The following DHRS7B variants were observed in gnomAD, a reference collection of about 807,000 sequenced individuals.
DHRS7B encodes the protein dehydrogenase/reductase 7B.
Under a neutral mutation model 26.4 loss-of-function variants are expected in DHRS7B, and 24 were observed. That is an observed-to-expected ratio of 0.91 (90% CI 0.66 to 1.28). The LOEUF is 1.28. Among genes scored for constraint, DHRS7B ranks in the 50% most tolerant of loss-of-function variants. The pLI, the probability that DHRS7B is intolerant of heterozygous loss-of-function variation, is 0.00. For synonymous variants in DHRS7B, 142 were observed against 166.4 expected, an observed-to-expected ratio of 0.85 and a Z score of 1.13; for missense variants, 368 against 419.4, an observed-to-expected ratio of 0.88 and a Z score of 1.07.
chr17:21,146,499 A>C lies in DHRS7B; in HGVS notation c.20+19508A>C, dbSNP rs568179811. 5.3e-5 allele frequency among the ~76,000 whole-genome samples: 8 copies of C among 152,338 alleles called. No individual in the cohort carries two copies. The East Asian group carries it at 1.5e-3, about 29-fold the overall frequency. On this transcript the variant is annotated intron_variant, in intron 1 of 6. Coordinates refer to ENST00000395511, the MANE Select transcript of DHRS7B (RefSeq NM_015510.5). ...AGATATTAGATACATTTTGCAGATG[A>C]GGAAACTGGCAGAAACATTAAGTAA...
At chr17:21,163,041 C>A (rs867948888) in intron 1 of DHRS7B, among the ~76,000 whole-genome samples, 12 of 151,784 alleles carry the variant, frequency 7.9e-5, no homozygotes, top group Non-Finnish European at 1.2e-4. Context: ...ACTAAAAACA[C>A]AAAAATTAGC....
chr17:21,178,135 T>C (rs1224659421), intron 2 of DHRS7B, 98 bp from the exon 3 acceptor site: 1 of 1,158,318 alleles, frequency 8.6e-7, no homozygotes, highest in African/African-American at 1.5e-5. Flanking sequence ...AACACAGACC[T>C]GTGAAGGGTG....
intron 1 of DHRS7B, among the ~76,000 whole-genome samples, chr17:21,155,259 G>A (rs1207313732): frequency 6.6e-6 from 1 of 152,076 alleles, no homozygotes; most frequent in African/African-American, 2.4e-5. Flanking sequence ...CCAACTTTAA[G>A]TATAAAGACA....
chr17:21,188,275 C>G (rs1166553962), intron 5 of DHRS7B, among the ~76,000 whole-genome samples: 2 of 152,120 alleles, frequency 1.3e-5, no homozygotes, highest in Admixed American at 1.3e-4. Context: ...TTCTCTCTCT[C>G]TGTGTATATG....
intron 1 of DHRS7B, among the ~76,000 whole-genome samples, chr17:21,141,281 G>A (rs1334871866): frequency 6.6e-6 from 1 of 152,072 alleles, no homozygotes; most frequent in Non-Finnish European, 1.5e-5. Context: ...ACAAAACTCA[G>A]TCTCTCATTA....
intron 1 of DHRS7B, among the ~76,000 whole-genome samples, chr17:21,135,275 C>T (rs932149616): frequency 6.6e-6 from 1 of 152,180 alleles, no homozygotes; most frequent in African/African-American, 2.4e-5. Context: ...GGAAACCAAA[C>T]ACCATTTCAT....
chr17:21,187,094 G>GATATATATATATAT (rs147554727), intron 5 of DHRS7B, among the ~76,000 whole-genome samples: 2,414 of 142,974 alleles, frequency 0.017, 78 homozygotes, highest in African/African-American at 0.06. Context: ...TGTATTAAAA[G>GATATATATATATAT]ATATATATAT....
chr17:21,134,147 C>G (rs1973294099), intron 1 of DHRS7B, among the ~76,000 whole-genome samples: 2 of 152,174 alleles, frequency 1.3e-5, no homozygotes, highest in Non-Finnish European at 2.9e-5. Context: ...AGACTAGACT[C>G]CAACAACAGG....
intron 1 of DHRS7B, chr17:21,166,429 C>T (rs1974114406): frequency 1.0e-6 from 1 of 985,078 alleles, no homozygotes; most frequent in Non-Finnish European, 1.2e-6. Context: ...AGAGAAGACA[C>T]TGGCGCCAGG....
chr17:21,169,650 C>T (rs1974192753), intron 1 of DHRS7B, among the ~76,000 whole-genome samples: 1 of 152,146 alleles, frequency 6.6e-6, no homozygotes, highest in South Asian at 2.1e-4. Flanking sequence ...TTTTGAGAAG[C>T]GACAGGCTGC....
intron 3 of DHRS7B, among the ~76,000 whole-genome samples, chr17:21,183,188 T>C (rs1287937523): frequency 6.6e-6 from 1 of 152,152 alleles, no homozygotes; most frequent in Non-Finnish European, 1.5e-5. Flanking sequence ...GTTCATAGTA[T>C]TCTTTTATAA....
At chr17:21,150,477 C>T (rs1355842201) in intron 1 of DHRS7B, among the ~76,000 whole-genome samples, 1 of 152,060 alleles carries the variant, frequency 6.6e-6, no homozygotes, top group Non-Finnish European at 1.5e-5. Context: ...ATTATCCGGG[C>T]GTGGTGGTGC....
intron 1 of DHRS7B, 39 bp downstream of exon 1, chr17:21,127,030 A>G (rs768651501): frequency 1.1e-5 from 16 of 1,511,766 alleles, no homozygotes; most frequent in Non-Finnish European, 1.4e-5. Flanking sequence ...AGATGAGGCG[A>G]TAGGGTCTGG....
chr17:21,145,991 T>C (rs570528270), intron 1 of DHRS7B, among the ~76,000 whole-genome samples: 1 of 152,346 alleles, frequency 6.6e-6, no homozygotes, highest in African/African-American at 2.4e-5. Flanking sequence ...TAATAATTTA[T>C]CCATTTTCTT....
At chr17:21,188,592 C>T (rs1276193007) in intron 5 of DHRS7B, 119 bp from the exon 6 acceptor site, 5 of 1,184,172 alleles carry the variant, frequency 4.2e-6, no homozygotes, top group African/African-American at 3.1e-5. Context: ...CATAGCAAGA[C>T]GATCACAAAT....
chr17:21,178,295 G>T lies in DHRS7B; in HGVS notation c.262G>T (p.Ala88Ser). The T allele has an allele frequency of 6.2e-7, 1 of 1,614,206 alleles. No individual in the cohort carries two copies. Among genetic ancestry groups the T allele is most frequent in the East Asian group, 2.2e-5 (1 of 44,884 alleles). Residue 88 changes from alanine (A) to serine (S), a missense_variant, in exon 3 of 7, where the codon GCC becomes TCC. Physicochemically the swap from Ala to Ser is moderately conservative, Grantham distance 99. Coordinates refer to ENST00000395511, the MANE Select transcript of DHRS7B (RefSeq NM_015510.5). Reference sequence around the variant, plus strand: ...GGTGCTCTGTGGCCGGAATGGTGGGGCCCTAGAAGAGCTCATCAGAGAACT... The same window carrying T: ...GGTGCTCTGTGGCCGGAATGGTGGGTCCCTAGAAGAGCTCATCAGAGAACT... Reference protein sequence around the residue: ...KLVLCGRNGGALEELIRELTA... With the variant: ...KLVLCGRNGGSLEELIRELTA...
intron 1 of DHRS7B, among the ~76,000 whole-genome samples, chr17:21,154,699 A>C (rs1163285928): frequency 6.6e-6 from 1 of 152,246 alleles, no homozygotes; most frequent in Non-Finnish European, 1.5e-5. Flanking sequence ...AAATAATCAT[A>C]GCAACAATGT....
chr17:21,144,941 C>T (rs1418491161), intron 1 of DHRS7B, among the ~76,000 whole-genome samples: 1 of 152,096 alleles, frequency 6.6e-6, no homozygotes, highest in South Asian at 2.1e-4. Context: ...TATATACTTA[C>T]CTTTTAGCAG....
At chr17:21,187,051 G>A (rs1445638417) in intron 5 of DHRS7B, among the ~76,000 whole-genome samples, 1 of 150,262 alleles carries the variant, frequency 6.7e-6, no homozygotes, top group Non-Finnish European at 1.5e-5. Context: ...AAAGCTACTT[G>A]CAGGAACAGT....
Sources: allele counts gnomAD v4.1 joint callset (sites outside exome capture counted in the v4.1 genomes callset), GRCh38; gene constraint gnomAD v4.1.1; transcripts MANE v1.5; gene names NCBI Gene and HGNC (gene_info 2026-07-23, HGNC 2026-07-21).